The following TLL2 variants were observed in gnomAD, a reference collection of about 807,000 sequenced individuals.
The protein encoded by TLL2 is tolloid like 2.
TLL2 carries 106 observed loss-of-function variants against 123.0 expected under a neutral mutation model. That is an observed-to-expected ratio of 0.86 (90% CI 0.74 to 1.01). The LOEUF is 1.01. TLL2 is among the 50% of genes least tolerant of loss of function. TLL2 has a pLI of 0.00. For missense variants in TLL2, 1,332 were observed against 1,336.7 expected, an observed-to-expected ratio of 1.00 and a Z score of 0.06; for synonymous variants, 494 against 516.8, an observed-to-expected ratio of 0.96 and a Z score of 0.60.
intron 2 of TLL2, among the ~76,000 whole-genome samples, chr10:96,464,286 G>A (rs978477281): frequency 7.9e-5 from 12 of 151,998 alleles, no homozygotes; most frequent in African/African-American, 2.7e-4. Flanking sequence ...TGGGAAGCTG[G>A]GGCAAGAGAA....
At chr10:96,384,533 T>A (rs996681371) in intron 16 of TLL2, 54 bp downstream of exon 16, 1 of 1,454,148 alleles carries the variant, frequency 6.9e-7, no homozygotes, top group Non-Finnish European at 9.2e-7. Context: ...GAGCCTGGAG[T>A]CTGCAAAGCC....
At chr10:96,376,967 C>T in intron 17 of TLL2, 148 bp from the exon 18 acceptor site, 2 of 668,372 alleles carry the variant, frequency 3.0e-6, no homozygotes, top group Non-Finnish European at 4.5e-6. Flanking sequence ...AATCAGGTAT[C>T]TCCTGGCTCA....
At chr10:96,433,024 A>T (rs1589421300) in intron 3 of TLL2, 62 bp from the exon 4 acceptor site, 1 of 1,572,610 alleles carries the variant, frequency 6.4e-7, no homozygotes, top group Admixed American at 1.7e-5. Flanking sequence ...ATTATGGCTG[A>T]GGTTGTATTA....
intron 1 of TLL2, among the ~76,000 whole-genome samples, chr10:96,505,454 A>G (rs1007145380): frequency 3.9e-5 from 6 of 152,244 alleles, no homozygotes; most frequent in African/African-American, 1.4e-4. Flanking sequence ...GGATGACAAT[A>G]ATTTTAAAAA....
rs1303467208 is a variant in TLL2 at position 96,384,648 on chromosome 10, G to C, written c.2133C>G (p.Arg711=). 2 of 1,612,434 alleles carry C rather than the reference G, an allele frequency of 1.2e-6. No individual in the cohort carries two copies. Among genetic ancestry groups the C allele is most frequent in the African/African-American group, 1.3e-5 (1 of 75,010 alleles). The change falls in exon 16 of 21, where the codon CGC becomes CGG. Residue 711 remains arginine, a synonymous_variant. Coordinates refer to ENST00000357947, the MANE Select transcript of TLL2 (RefSeq NM_012465.4). ...EVITSQSNNM[R]VEFKSDNTVS... is the part of the protein sequence containing the mutation. The stretch of plus-strand genomic sequence containing the variant: ...CGGTGTTGTCGGACTTGAACTCCAC[G>C]CGCATGTTGTTGCTCTGCGAGGTGA...
At chr10:96,480,539 G>A (rs1847302650) in intron 1 of TLL2, 80 bp from the exon 2 acceptor site, 5 of 1,111,286 alleles carry the variant, frequency 4.5e-6, no homozygotes, top group Non-Finnish European at 6.9e-6. Flanking sequence ...AAAGGGCATT[G>A]GGTGTTGGGT....
rs1188831981 is a variant in TLL2, at chr10:96,411,252, T to C, written c.1049-778A>G. Among the ~76,000 whole-genome samples, 4 of 89,834 alleles carry C rather than the reference T, an allele frequency of 4.5e-5. 1 individual carries two copies. The highest frequency in any genetic ancestry group is 3.1e-4 in the Admixed American group (2 of 6,546). The allele number at this position is 89,834 out of a possible 152,430, so 58.9% of individuals were successfully genotyped here. A position where few individuals can be genotyped will look rare whatever the true frequency, so the allele number is the denominator to read the frequency against. On this transcript the variant is annotated intron_variant, in intron 8 of 20. Coordinates refer to ENST00000357947, the MANE Select transcript of TLL2 (RefSeq NM_012465.4). ...CAGTCTGGGTGACAGAGTGAGACTC[T>C]GTCTCAAAAAAAAAAAAAAAAAAAA...
At chr10:96,392,405 A>T (rs923083004) in intron 13 of TLL2, among the ~76,000 whole-genome samples, 1 of 152,228 alleles carries the variant, frequency 6.6e-6, no homozygotes. Flanking sequence ...TACTAAAAAA[A>T]AATCATTCTG....
intron 7 of TLL2, among the ~76,000 whole-genome samples, chr10:96,414,472 T>C (rs367703131): frequency 1.3e-5 from 2 of 152,108 alleles, no homozygotes; most frequent in East Asian, 3.9e-4. Context: ...GTCTTCTCCC[T>C]GGGTCCAGGC....
intron 18 of TLL2, 104 bp downstream of exon 18, chr10:96,376,588 T>C: frequency 7.9e-7 from 1 of 1,272,942 alleles, no homozygotes. Context: ...AAATGTTGAG[T>C]AACTTCCAAG....
At position 96,386,497 on chromosome 10, in the gene TLL2, A is replaced by G. The variant is rs1589408263; in HGVS notation, c.1853-282T>C. ...CTGGGGGCTCCCTATGGCTTGGGCC[A>G]AAGGAGAATTAGAAATGTTTGCAGC... On this transcript the variant is annotated intron_variant, in intron 14 of 20. Transcript: ENST00000357947. Among the ~76,000 whole-genome samples the G allele has an allele frequency of 2.0e-5, 3 of 152,354 alleles. No individual in the cohort carries two copies. In the South Asian group the frequency reaches 6.2e-4, roughly 32 times the overall value.
At chr10:96,420,387 C>T (rs555875987) in intron 7 of TLL2, among the ~76,000 whole-genome samples, 18 of 152,362 alleles carry the variant, frequency 1.2e-4, no homozygotes, top group African/African-American at 1.9e-4. Context: ...CATAAATAAA[C>T]GGCCCAGCCC....
At chr10:96,417,433 G>A (rs1846573466) in intron 7 of TLL2, among the ~76,000 whole-genome samples, 2 of 152,202 alleles carry the variant, frequency 1.3e-5, no homozygotes, top group African/African-American at 4.8e-5. Context: ...GTGGCAGATT[G>A]TTAAAATAAA....
At chr10:96,467,816 T>C (rs1847144279) in intron 2 of TLL2, among the ~76,000 whole-genome samples, 1 of 152,172 alleles carries the variant, frequency 6.6e-6, no homozygotes, top group Non-Finnish European at 1.5e-5. Flanking sequence ...AAAAGGGGGA[T>C]GCTTGAGAGG....
At chr10:96,444,152 T>C (rs375630432) in intron 3 of TLL2, among the ~76,000 whole-genome samples, 2 of 152,206 alleles carry the variant, frequency 1.3e-5, no homozygotes, top group East Asian at 1.9e-4. Flanking sequence ...TCCCTACTGC[T>C]AGTAAGAATA....
chr10:96,434,733 T>C (rs1846776472), intron 3 of TLL2, among the ~76,000 whole-genome samples: 1 of 152,220 alleles, frequency 6.6e-6, no homozygotes, highest in South Asian at 2.1e-4. Context: ...ATATGGTAAC[T>C]CTATGTTGAA....
chr10:96,513,812 T>C lies in TLL2; in HGVS notation c.-127A>G, dbSNP rs549706221. On this transcript the variant is annotated 5_prime_UTR_variant, in exon 1 of 21. The change abolishes an upstream ATG in the 5' untranslated region. Coordinates refer to ENST00000357947, the MANE Select transcript of TLL2 (RefSeq NM_012465.4). The stretch of plus-strand genomic sequence containing the variant: ...GGTGGTTACACAGGGCTGCTGGGCA[T>C]GGCTCAGGCGCGGAGCAAGCGGAGC... The C allele has an allele frequency of 7.7e-4, 801 of 1,042,264 alleles. 2 individuals are homozygous for C. Among genetic ancestry groups the C allele is most frequent in the African/African-American group, 6.2e-3 (366 of 58,906 alleles). 64.6% of individuals were successfully genotyped at this position (1,042,264 alleles called of 1,614,324 possible).
chr10:96,389,836 T>C (rs1360080428), intron 13 of TLL2, among the ~76,000 whole-genome samples: 1 of 152,186 alleles, frequency 6.6e-6, no homozygotes, highest in East Asian at 1.9e-4. Context: ...GACTAGAAGG[T>C]AAGGTGCTCG....
chr10:96,379,204 C>T, intron 16 of TLL2, 112 bp from the exon 17 acceptor site: 2 of 1,360,158 alleles, frequency 1.5e-6, no homozygotes, highest in Non-Finnish European at 2.0e-6. Context: ...CTGATTGCTC[C>T]CCTTCCCCCT....
Sources: allele counts gnomAD v4.1 joint callset (sites outside exome capture counted in the v4.1 genomes callset), GRCh38; gene constraint gnomAD v4.1.1; transcripts MANE v1.5; gene names NCBI Gene and HGNC (gene_info 2026-07-23, HGNC 2026-07-21).